GPAM: variants seen among roughly 807,000 people sequenced by gnomAD.
GPAM encodes glycerol-3-phosphate acyltransferase, mitochondrial.
In GPAM, 56 loss-of-function variants were observed where a neutral mutation model predicts 105.0. That is an observed-to-expected ratio of 0.53 (90% CI 0.43 to 0.67). GPAM has a LOEUF of 0.67. GPAM is among the 30% of genes least tolerant of loss of function. The pLI is 0.00. For synonymous variants in GPAM, 368 were observed against 354.4 expected, an observed-to-expected ratio of 1.04 and a Z score of -0.43; for missense variants, 855 against 989.8, an observed-to-expected ratio of 0.86 and a Z score of 1.83.
intron 1 of GPAM, among the ~76,000 whole-genome samples, chr10:112,212,371 T>C (rs913714449): frequency 1.3e-5 from 2 of 152,164 alleles, no homozygotes; most frequent in Non-Finnish European, 2.9e-5. Context: ...CACACCATTC[T>C]CCTGCCTCAG....
intron 19 of GPAM, 193 bp downstream of exon 19, chr10:112,157,056 T>C (rs1847030236): frequency 1.6e-6 from 1 of 637,944 alleles, no homozygotes; most frequent in Non-Finnish European, 2.8e-6. Context: ...TTTCAGACTC[T>C]CCTTTCCTTT....
chr10:112,160,717 G>C lies in GPAM; in HGVS notation c.1646C>G (p.Thr549Ser), dbSNP rs1342077650. 4 of 1,614,054 alleles carry C rather than the reference G, an allele frequency of 2.5e-6. No homozygotes were observed. The highest frequency in any genetic ancestry group is 8.5e-7 in the Non-Finnish European group (1 of 1,179,916). The change falls in exon 16 of 22, where the codon ACT becomes AGT. Residue 549 changes from threonine to serine, a missense_variant. Transcript: ENST00000348367. Reference sequence around the variant, plus strand: ...GATAAAAAACTCATCGTTCCTGCTAGTGTGGGTGATTGTGACACAATTTCC... The same window carrying C: ...GATAAAAAACTCATCGTTCCTGCTACTGTGGGTGATTGTGACACAATTTCC... ...LLGNCVTITH[T>S]SRNDEFFITP...
chr10:112,216,986 A>G (rs988507698), upstream of GPAM, among the ~76,000 whole-genome samples: 2 of 152,160 alleles, frequency 1.3e-5, no homozygotes, highest in Admixed American at 6.5e-5. Flanking sequence ...AAATTGATAT[A>G]TAACGTCTCA....
At chr10:112,197,837 A>AT (rs1181804627) in intron 1 of GPAM, among the ~76,000 whole-genome samples, 13 of 152,198 alleles carry the variant, frequency 8.5e-5, no homozygotes, top group African/African-American at 3.1e-4. Context: ...TTATGGCTGC[A>AT]TAGTATTCCA....
At chr10:112,215,732 G>C (rs1251095972), upstream of GPAM, among the ~76,000 whole-genome samples, 1 of 152,082 alleles carries the variant, frequency 6.6e-6, no homozygotes, top group Non-Finnish European at 1.5e-5. Flanking sequence ...CTGAGGGGAA[G>C]GGAGGTTTGA....
chr10:112,156,084 T>C (rs759495173), intron 19 of GPAM, 31 bp from the exon 20 acceptor site: 1 of 1,527,244 alleles, frequency 6.5e-7, no homozygotes, highest in Non-Finnish European at 9.1e-7. Context: ...GATGAAGTCA[T>C]GAGGAAGGGA....
At chr10:112,212,816 G>A (rs1847927209) in intron 1 of GPAM, among the ~76,000 whole-genome samples, 1 of 152,176 alleles carries the variant, frequency 6.6e-6, no homozygotes, top group Non-Finnish European at 1.5e-5. Context: ...GATCAGCCAG[G>A]GCAAAGCACT....
upstream of GPAM, among the ~76,000 whole-genome samples, chr10:112,187,361 G>T (rs1847608202): frequency 6.6e-6 from 1 of 151,948 alleles, no homozygotes. Context: ...AAAAGTAAAA[G>T]GTTAGAAAAC....
At chr10:112,202,692 A>G (rs1847811607) in intron 1 of GPAM, among the ~76,000 whole-genome samples, 1 of 152,212 alleles carries the variant, frequency 6.6e-6, no homozygotes, top group South Asian at 2.1e-4. Context: ...CATGTCCAAA[A>G]TAGTACCAAG....
In GPAM at chr10:112,163,684, TC is replaced by T. The variant is rs1329902605; in HGVS notation, c.1423+16del. The T allele has an allele frequency of 9.4e-7, 1 of 1,068,308 alleles. No individual in the cohort carries two copies. The highest frequency in any genetic ancestry group is 1.5e-6 in the Non-Finnish European group (1 of 681,366). 66.2% of individuals were successfully genotyped at this position (1,068,308 alleles called of 1,614,324 possible). On this transcript the variant is annotated intron_variant, in intron 14 of 21. Transcript: ENST00000348367. ...GAATCTAAATTGTAGAATTAAAGAG[TC>T]TGGTATTCTACTTACTGAATAGAAT...
chr10:112,216,141 T>C (rs1397274703), upstream of GPAM, among the ~76,000 whole-genome samples: 1 of 152,210 alleles, frequency 6.6e-6, no homozygotes, highest in East Asian at 1.9e-4. Flanking sequence ...CTGAGGCTCT[T>C]ACAGGCCCTA....
intron 1 of GPAM, among the ~76,000 whole-genome samples, chr10:112,195,939 A>G (rs1847718414): frequency 6.6e-6 from 1 of 152,226 alleles, no homozygotes; most frequent in East Asian, 1.9e-4. Flanking sequence ...GGTAGACAGC[A>G]GAGTTCCCAT....
chr10:112,158,436 A>G, intron 17 of GPAM, 43 bp from the exon 18 acceptor site: 1 of 1,234,180 alleles, frequency 8.1e-7, no homozygotes, highest in Non-Finnish European at 1.2e-6. Flanking sequence ...ACCATTTTAT[A>G]CTTCTTTTTT....
chr10:112,216,441 G>C (rs1564693826), upstream of GPAM, among the ~76,000 whole-genome samples: 1 of 152,084 alleles, frequency 6.6e-6, no homozygotes, highest in Non-Finnish European at 1.5e-5. Flanking sequence ...GTCTTGAAGG[G>C]TATGGGCCTG....
intron 9 of GPAM, among the ~76,000 whole-genome samples, chr10:112,169,794 T>C (rs991283929): frequency 6.6e-6 from 1 of 152,194 alleles, no homozygotes; most frequent in Non-Finnish European, 1.5e-5. Context: ...GCTTCATCTA[T>C]ATTTACAGCC....
At chr10:112,190,112 A>AAT (rs1342832230) in intron 1 of GPAM, among the ~76,000 whole-genome samples, 1 of 152,216 alleles carries the variant, frequency 6.6e-6, no homozygotes, top group African/African-American at 2.4e-5. Flanking sequence ...CAAATAAATA[A>AAT]ATATATTTCT....
chr10:112,183,563 C>G (rs1409223768), intron 1 of GPAM, 130 bp downstream of exon 1: 1 of 152,356 alleles, frequency 6.6e-6, no homozygotes, highest in Non-Finnish European at 1.5e-5. Flanking sequence ...GACCGGAGCT[C>G]GGGTGTCAGG....
Position 112,163,725 on chromosome 10 carries a change from T to A in GPAM, c.1399A>T (p.Asn467Tyr), listed in dbSNP as rs1197362797. Residue 467 changes from asparagine to tyrosine, a missense_variant, in exon 14 of 22, where the codon AAT becomes TAT. Transcript: ENST00000348367. ...DESLRRRLIANLAEHILFTAS... is the reference protein window; with the variant it reads ...DESLRRRLIAYLAEHILFTAS... ...CTGAATAGAATATGCTCAGCCAGATTTGCAATCAACCTCCTTCGTAGGGAT... is the reference window on the plus strand; with the variant it reads ...CTGAATAGAATATGCTCAGCCAGATATGCAATCAACCTCCTTCGTAGGGAT... The A allele has an allele frequency of 1.3e-6, 2 of 1,561,666 alleles. No homozygotes were observed. Among genetic ancestry groups the A allele is most frequent in the Non-Finnish European group, 8.8e-7 (1 of 1,132,252 alleles).
intron 1 of GPAM, among the ~76,000 whole-genome samples, chr10:112,199,705 C>G (rs1397150623): frequency 1.3e-5 from 2 of 152,126 alleles, no homozygotes; most frequent in Non-Finnish European, 2.9e-5. Flanking sequence ...CTGGGGAGGC[C>G]TCACAATCAT....
Sources: allele counts gnomAD v4.1 joint callset (sites outside exome capture counted in the v4.1 genomes callset), GRCh38; gene constraint gnomAD v4.1.1; transcripts MANE v1.5; gene names NCBI Gene and HGNC (gene_info 2026-07-23, HGNC 2026-07-21).